The following PTPRT variants were observed in gnomAD, a reference collection of about 807,000 sequenced individuals.
PTPRT encodes protein tyrosine phosphatase receptor type T.
A neutral mutation model predicts 176.8 loss-of-function variants in PTPRT; 56 were observed. That is an observed-to-expected ratio of 0.32 (90% confidence interval 0.26 to 0.40). The LOEUF (loss-of-function observed/expected upper bound fraction) is 0.40. Ranked by LOEUF, PTPRT falls within the 10% of genes least tolerant of loss-of-function variation. The pLI is 1.00. For missense variants in PTPRT, 1,540 were observed against 1,908.2 expected, an observed-to-expected ratio of 0.81 and a Z score of 3.60; for synonymous variants, 783 against 739.0, an observed-to-expected ratio of 1.06 and a Z score of -0.96.
intron 1 of PTPRT, among the ~76,000 whole-genome samples, chr20:43,145,404 T>C (rs893886992): frequency 6.6e-6 from 1 of 152,224 alleles, no homozygotes; most frequent in African/African-American, 2.4e-5. Context: ...ATATCTCTAT[T>C]AATGCAGCCC....
chr20:43,093,537 C>T (rs192347053), intron 1 of PTPRT, among the ~76,000 whole-genome samples: 166 of 152,340 alleles, frequency 1.1e-3, no homozygotes, highest in Non-Finnish European at 1.4e-3. Context: ...TATGCTCACA[C>T]GCATGCACAC....
intron 2 of PTPRT, among the ~76,000 whole-genome samples, chr20:42,834,608 G>A (rs2078149465): frequency 6.6e-6 from 1 of 152,108 alleles, no homozygotes; most frequent in African/African-American, 2.4e-5. Context: ...CCGAAACAAT[G>A]CAAATGTTAT....
At chr20:43,044,695 T>C (rs2425562) in intron 1 of PTPRT, among the ~76,000 whole-genome samples, 61,313 of 151,990 alleles carry the variant, frequency 0.4, 15,522 homozygotes, top group African/African-American at 0.71. Flanking sequence ...GTCAGGAGGA[T>C]TAAATGCACC....
Position 42,786,160 on chromosome 20 carries a change from C to T in PTPRT, c.486+5035G>A, listed in dbSNP as rs553846883. 3.3e-5 allele frequency among the ~76,000 whole-genome samples: 5 copies of T among 152,244 alleles called. No homozygotes were observed. In the South Asian group the frequency reaches 1.0e-3, roughly 32 times the overall value. ...ATGATTGTAAGTTTCCTGAGGCCTC[C>T]CCAGCCATGTGGAAGTGTGAGTCAA... On this transcript the variant is annotated intron_variant, in intron 3 of 30. Coordinates refer to ENST00000373187, the MANE Select transcript of PTPRT (RefSeq NM_007050.6).
At chr20:42,734,005 G>A (rs898761515) in intron 6 of PTPRT, among the ~76,000 whole-genome samples, 1 of 152,232 alleles carries the variant, frequency 6.6e-6, no homozygotes, top group Non-Finnish European at 1.5e-5. Context: ...AGACCCTGAA[G>A]CCATGTCTCC....
At position 42,369,139 on chromosome 20, in the gene PTPRT, T is replaced by C. The variant is rs114204005; in HGVS notation, c.1561-16854A>G. ...ATCCGTCCGTCCATCAATCCATCCA[T>C]CCATCCATCCTCCCTTTCTCACTGT... On this transcript the variant is annotated intron_variant, in intron 9 of 30. Coordinates refer to ENST00000373187, the MANE Select transcript of PTPRT (RefSeq NM_007050.6). Among the ~76,000 whole-genome samples the C allele has an allele frequency of 8.1e-3, 1,224 of 151,210 alleles. 18 individuals are homozygous for C. Among genetic ancestry groups the C allele is most frequent in the African/African-American group, 0.028 (1,135 of 41,210 alleles).
intron 1 of PTPRT, among the ~76,000 whole-genome samples, chr20:42,980,968 T>G (rs1268110035): frequency 6.6e-6 from 1 of 152,160 alleles, no homozygotes; most frequent in Non-Finnish European, 1.5e-5. Flanking sequence ...CCAACTTCAG[T>G]GTGCCTTTCT....
chr20:42,424,930 T>C (rs973679790), intron 9 of PTPRT, among the ~76,000 whole-genome samples: 3 of 150,920 alleles, frequency 2.0e-5, no homozygotes, highest in Non-Finnish European at 4.4e-5. Flanking sequence ...TTTAAGCAAA[T>C]AGACACGGCT....
At chr20:42,900,021 T>A (rs2079374526) in intron 1 of PTPRT, among the ~76,000 whole-genome samples, 1 of 152,238 alleles carries the variant, frequency 6.6e-6, no homozygotes, top group African/African-American at 2.4e-5. Flanking sequence ...ACTGTCACTA[T>A]CCACACTTTA....
intron 2 of PTPRT, among the ~76,000 whole-genome samples, chr20:42,828,453 G>A (rs1600800765): frequency 6.6e-6 from 1 of 152,320 alleles, no homozygotes; most frequent in East Asian, 1.9e-4. Context: ...CAAGCCTGCT[G>A]CAGAAATTTG....
intron 9 of PTPRT, among the ~76,000 whole-genome samples, chr20:42,356,131 A>G (rs1473334107): frequency 6.6e-6 from 1 of 152,180 alleles, no homozygotes; most frequent in African/African-American, 2.4e-5. Context: ...GGAGGGAAAG[A>G]AGAAAGGTGA....
At chr20:42,970,417 T>A (rs1982557704) in intron 1 of PTPRT, among the ~76,000 whole-genome samples, 1 of 152,184 alleles carries the variant, frequency 6.6e-6, no homozygotes, top group African/African-American at 2.4e-5. Context: ...AATTATCACA[T>A]TTTCTCACAC....
At chr20:43,029,193 C>T (rs1376873008) in intron 1 of PTPRT, among the ~76,000 whole-genome samples, 2 of 152,192 alleles carry the variant, frequency 1.3e-5, no homozygotes, top group Non-Finnish European at 2.9e-5. Flanking sequence ...GGGCATTTTT[C>T]AAAGCCATGA....
At chr20:42,544,544 C>T (rs1317354685) in intron 7 of PTPRT, among the ~76,000 whole-genome samples, 1 of 152,178 alleles carries the variant, frequency 6.6e-6, no homozygotes, top group East Asian at 1.9e-4. Flanking sequence ...CTGTTTCACT[C>T]CTGTTGTCTG....
intron 1 of PTPRT, among the ~76,000 whole-genome samples, chr20:43,186,570 A>C (rs1174657846): frequency 6.6e-6 from 1 of 152,218 alleles, no homozygotes; most frequent in African/African-American, 2.4e-5. Flanking sequence ...ATACCATCTC[A>C]GCTGGCAGCC....
At chr20:42,740,476 T>A (rs2076592577) in intron 6 of PTPRT, among the ~76,000 whole-genome samples, 1 of 152,204 alleles carries the variant, frequency 6.6e-6, no homozygotes, top group African/African-American at 2.4e-5. Context: ...CGAGTCCTCC[T>A]GCCCTTAACT....
At chr20:43,042,434 A>T (rs372873627) in intron 1 of PTPRT, among the ~76,000 whole-genome samples, 33 of 152,170 alleles carry the variant, frequency 2.2e-4, no homozygotes, top group African/African-American at 7.0e-4. Flanking sequence ...CTCTGGCTTG[A>T]AAATGAAAAA....
chr20:42,229,115 C>A, intron 15 of PTPRT, among the ~76,000 whole-genome samples: 1 of 152,076 alleles, frequency 6.6e-6, no homozygotes, highest in East Asian at 1.9e-4. Context: ...ATGAAAGGGA[C>A]AATTAAATCA....
At chr20:43,138,611 T>C (rs1005974360) in intron 1 of PTPRT, among the ~76,000 whole-genome samples, 22 of 152,200 alleles carry the variant, frequency 1.4e-4, no homozygotes, top group Admixed American at 9.2e-4. Flanking sequence ...ACGGTAATAG[T>C]TCAGCCTGGG....
Sources: gnomAD v4.1 joint callset for allele counts (sites outside exome capture counted in the v4.1 genomes callset) on GRCh38, gnomAD v4.1.1 for gene constraint, MANE v1.5 for transcripts, NCBI Gene and HGNC (gene_info 2026-07-23, HGNC 2026-07-21) for gene names.